The following OTUD6B variants were observed in gnomAD, a reference collection of about 807,000 sequenced individuals.
The protein encoded by OTUD6B is deubiquitinase OTUD6B.
In OTUD6B, 41 loss-of-function variants were observed where a neutral mutation model predicts 36.9. The observed-to-expected ratio is 1.11, with a 90% confidence interval of 0.87 to 1.44. The LOEUF (loss-of-function observed/expected upper bound fraction) is 1.44, where lower values mean the gene tolerates loss of function less well. OTUD6B is among the 40% of genes most tolerant of loss of function. The pLI, the probability that OTUD6B is intolerant of heterozygous loss-of-function variation, is 0.00. For synonymous variants in OTUD6B, 114 were observed against 114.2 expected, an observed-to-expected ratio of 1.00 and a Z score of 0.01; for missense variants, 356 against 344.8, an observed-to-expected ratio of 1.03 and a Z score of -0.26.
In OTUD6B at chr8:91,070,410, T is replaced by C. The variant is rs1338473172; in HGVS notation, c.26T>C (p.Leu9Pro). 1.9e-6 allele frequency: 3 copies of C among 1,602,542 alleles called. No individual in the cohort carries two copies. The highest frequency in any genetic ancestry group is 2.2e-5 in the South Asian group (2 of 89,072). Residue 9 changes from leucine to proline, a missense_variant, in exon 1 of 7, where the codon CTT (leucine) becomes CCT (proline). Coordinates refer to ENST00000404789, the MANE Select transcript of OTUD6B (RefSeq NM_016023.5). ...ATGGAGGCGGTATTGACCGAAGAGC[T>C]TGATGAGGAAGAGCAGCTGCTGAGA... is the stretch of plus-strand genomic sequence containing the variant. MEAVLTEE[L>P]DEEEQLLRRH...
intron 3 of OTUD6B, among the ~76,000 whole-genome samples, chr8:91,077,982 G>C (rs1442428652): frequency 6.6e-6 from 1 of 152,078 alleles, no homozygotes; most frequent in Non-Finnish European, 1.5e-5. Context: ...AAGAAGCCTG[G>C]ATTAGCCTGG....
Position 91,085,770 on chromosome 8 carries a change from G to GGAGTAGCAGT in OTUD6B, c.*904_*913dup, listed in dbSNP as rs1266124970. 5.3e-5 allele frequency: 8 copies of GGAGTAGCAGT among 151,934 alleles called. No homozygotes were observed. The highest frequency in any genetic ancestry group is 5.3e-4 in the Admixed American group (8 of 15,226). The allele number at this position is 151,934 out of a possible 1,614,324, so 9.4% of individuals were successfully genotyped here. Reference sequence around the variant, plus strand: ...TGGCCTTTACCTTGTGCAATTTTAGGGAGTAGCAGTGTAAAAGGTCCAAGA... The same window carrying GGAGTAGCAGT: ...TGGCCTTTACCTTGTGCAATTTTAGGGAGTAGCAGTGAGTAGCAGTGTAAAAGGTCCAAGA... On this transcript the variant is annotated 3_prime_UTR_variant, in exon 7 of 7. Coordinates refer to ENST00000404789, the MANE Select transcript of OTUD6B (RefSeq NM_016023.5).
Position 91,078,673 on chromosome 8 carries a change from T to C in OTUD6B, c.628+5T>C. The C allele has an allele frequency of 6.6e-7, 1 of 1,509,410 alleles. No individual in the cohort carries two copies. The allele number at this position is 1,509,410 out of a possible 1,614,324, so 93.5% of individuals were successfully genotyped here. ...CAGGAGATATGTATACTCCAGGTAA[T>C]TTATTTTTCTTTACTATGTTTTATT... On this transcript the variant is annotated splice_donor_5th_base_variant and intron_variant, in intron 4 of 6. Coordinates refer to ENST00000404789, the MANE Select transcript of OTUD6B (RefSeq NM_016023.5).
At chr8:91,081,154 A>T (rs1025943891) in intron 5 of OTUD6B, among the ~76,000 whole-genome samples, 4 of 147,086 alleles carry the variant, frequency 2.7e-5, no homozygotes, top group Admixed American at 6.7e-5. Flanking sequence ...GGAAAAAAAA[A>T]ATTATGTGAA....
chr8:91,079,063 T>C (rs994165746), intron 4 of OTUD6B: 2 of 154,868 alleles, frequency 1.3e-5, no homozygotes, highest in African/African-American at 4.8e-5. Context: ...TTTTATCTTA[T>C]AATTTGGGAA....
At chr8:91,071,451 C>A (rs565064425) in intron 2 of OTUD6B, among the ~76,000 whole-genome samples, 162 bp downstream of exon 2, 1 of 151,722 alleles carries the variant, frequency 6.6e-6, no homozygotes, top group Non-Finnish European at 1.5e-5. Flanking sequence ...CGGGTTCAGG[C>A]CATTCTCCTG....
At chr8:91,083,489 A>G (rs1448187818) in intron 5 of OTUD6B, among the ~76,000 whole-genome samples, 18 of 152,280 alleles carry the variant, frequency 1.2e-4, no homozygotes, top group Middle Eastern at 3.4e-3. Flanking sequence ...CATTTGATTT[A>G]ATAAATACAA....
At position 91,070,359 on chromosome 8, in the gene OTUD6B, C is replaced by A; in HGVS notation, c.-26C>A. On this transcript the variant is annotated 5_prime_UTR_variant, in exon 1 of 7. Transcript: ENST00000404789. ...ACTAGCCGGTGCAGGTTTCTTCTAG[C>A]GCGTGTGCTGGGGTACCTGGTCGTC... The A allele has an allele frequency of 6.2e-7, 1 of 1,612,622 alleles. No individual in the cohort carries two copies.
chr8:91,072,325 A>C (rs1812716513), intron 2 of OTUD6B, among the ~76,000 whole-genome samples: 1 of 152,212 alleles, frequency 6.6e-6, no homozygotes, highest in East Asian at 1.9e-4. Context: ...CCAAAGCCAG[A>C]ATTCCAAATG....
At chr8:91,078,701 T>A (rs1812847167) in intron 4 of OTUD6B, 33 bp downstream of exon 4, 12 of 1,432,482 alleles carry the variant, frequency 8.4e-6, no homozygotes, top group Non-Finnish European at 1.1e-5. Flanking sequence ...GTTTTATTGT[T>A]GCTTTGTTGT....
rs748121410 is a variant in OTUD6B at position 91,070,499 on chromosome 8, G to A, written c.82+33G>A. The A allele has an allele frequency of 7.7e-6, 12 of 1,549,036 alleles. No homozygotes were observed. In the East Asian group the frequency reaches 2.2e-4, roughly 28 times the overall value. On this transcript the variant is annotated intron_variant, in intron 1 of 6. Coordinates refer to ENST00000404789, the MANE Select transcript of OTUD6B (RefSeq NM_016023.5). ...GGAAGGAAGTGGGAATCTGGAAGCC[G>A]CCGCGACTGGGGGAAGGGCGCGTGG... is the stretch of plus-strand genomic sequence containing the variant.
intron 1 of OTUD6B, 31 bp downstream of exon 1, chr8:91,070,497 C>T (rs1364135678): frequency 1.3e-6 from 2 of 1,550,318 alleles, no homozygotes; most frequent in African/African-American, 1.4e-5. Context: ...AATCTGGAAG[C>T]CGCCGCGACT....
intron 3 of OTUD6B, chr8:91,076,729 A>G (rs1184266228): frequency 1.1e-6 from 1 of 952,116 alleles, no homozygotes; most frequent in Non-Finnish European, 1.6e-6. Flanking sequence ...GATGATATCT[A>G]AGGTGCTTAT....
Position 91,084,009 on chromosome 8 carries a change from T to G in OTUD6B, c.692T>G (p.Leu231Arg). ...CTGATACTTTTTTTCTTCCTATAGC[T>G]AAGAGCTCTGTCTCACATTTTACAA... ...NTAAWGGQLE[L>R]RALSHILQTP... Residue 231 changes from leucine to arginine, a missense_variant and splice_region_variant, in exon 6 of 7, where the codon CTA becomes CGA. Physicochemically the swap from Leu to Arg is moderately radical, Grantham distance 102. Coordinates refer to ENST00000404789, the MANE Select transcript of OTUD6B (RefSeq NM_016023.5). The G allele has an allele frequency of 6.4e-7, 1 of 1,562,096 alleles. No individual in the cohort carries two copies.
chr8:91,075,419 C>T (rs1812783896), intron 3 of OTUD6B, among the ~76,000 whole-genome samples: 1 of 151,958 alleles, frequency 6.6e-6, no homozygotes, highest in Non-Finnish European at 1.5e-5. Flanking sequence ...CTTATAATAG[C>T]CTATTTAATT....
At position 91,070,402 on chromosome 8, in the gene OTUD6B, C is replaced by A. The variant is rs945450670; in HGVS notation, c.18C>A (p.Thr6=). 1.2e-6 allele frequency: 2 copies of A among 1,605,210 alleles called. No homozygotes were observed. The highest frequency in any genetic ancestry group is 8.5e-7 in the Non-Finnish European group (1 of 1,175,800). MEAVL[T]EELDEEEQLL... ...TGGTCGTCATGGAGGCGGTATTGAC[C>A]GAAGAGCTTGATGAGGAAGAGCAGC... The change falls in exon 1 of 7, where the codon ACC becomes ACA. Residue 6 remains threonine, a synonymous_variant. Transcript: ENST00000404789.
intron 5 of OTUD6B, among the ~76,000 whole-genome samples, chr8:91,082,374 T>C (rs1312397950): frequency 6.6e-6 from 1 of 151,890 alleles, no homozygotes; most frequent in Non-Finnish European, 1.5e-5. Context: ...ATCGGGGCAT[T>C]ATGATTTTTA....
In OTUD6B at chr8:91,070,384, C is replaced by T. The variant is rs772676292; in HGVS notation, c.-1C>T. The T allele has an allele frequency of 2.4e-5, 38 of 1,609,884 alleles. No homozygotes were observed. Among genetic ancestry groups the T allele is most frequent in the African/African-American group, 1.7e-4 (13 of 74,848 alleles). ...CGCGTGTGCTGGGGTACCTGGTCGT[C>T]ATGGAGGCGGTATTGACCGAAGAGC... On this transcript the variant is annotated 5_prime_UTR_variant, in exon 1 of 7. Transcript: ENST00000404789.
rs774875367 is a variant in OTUD6B at position 91,080,682 on chromosome 8, G to T, written c.642G>T (p.Lys214Asn). ...TAATCTCTACAGAAGAATTTCAGAA[G>T]TACTGTGAAGATATTGTAAACACAG... is the stretch of plus-strand genomic sequence containing the variant. ...GDMYTPEEFQ[K>N]YCEDIVNTAA... Residue 214 changes from lysine to asparagine, a missense_variant, in exon 5 of 7, where the codon AAG (lysine) becomes AAT (asparagine). Coordinates refer to ENST00000404789, the MANE Select transcript of OTUD6B (RefSeq NM_016023.5). 3.7e-6 allele frequency: 6 copies of T among 1,602,294 alleles called. No individual in the cohort carries two copies. The highest frequency in any genetic ancestry group is 3.4e-5 in the Admixed American group (2 of 58,628).
Sources: gnomAD v4.1 joint callset for allele counts (sites outside exome capture counted in the v4.1 genomes callset) on GRCh38, gnomAD v4.1.1 for gene constraint, MANE v1.5 for transcripts, NCBI Gene and HGNC (gene_info 2026-07-23, HGNC 2026-07-21) for gene names.